FBXO8: variants seen among roughly 807,000 people sequenced by gnomAD.
FBXO8 encodes the protein F-box protein 8.
In FBXO8, 15 loss-of-function variants were observed where a neutral mutation model predicts 33.4. The ratio of observed to expected loss-of-function variants is 0.45; its 90% CI spans 0.30 to 0.69. FBXO8 has a LOEUF of 0.69. Among genes scored for constraint, FBXO8 ranks in the 30% least tolerant of loss-of-function variants. The pLI is 0.08. For synonymous variants in FBXO8, 132 were observed against 131.5 expected, an observed-to-expected ratio of 1.00 and a Z score of -0.02; for missense variants, 274 against 380.3, an observed-to-expected ratio of 0.72 and a Z score of 2.32.
rs1736989759 is a variant in FBXO8, at chr4:174,277,690, T to C, written c.-9+5720A>G. ...ATGAATAGCCTCATTTAAATACACA[T>C]TATAAATGGTCATTTTTCTTCAGTA... On this transcript the variant is annotated intron_variant, in intron 1 of 5. Transcript: ENST00000393674. The surrounding 1 kb of genome is among the most constrained non-coding windows in gnomAD (Gnocchi z 4.9). Among the ~76,000 whole-genome samples, 1 of 152,154 alleles carries C rather than the reference T, an allele frequency of 6.6e-6. No homozygotes were observed. The highest frequency in any genetic ancestry group is 2.4e-5 in the African/African-American group (1 of 41,460).
In FBXO8 at chr4:174,261,029, C is replaced by G. The variant is rs1018813904; in HGVS notation, c.330-1204G>C. On this transcript the variant is annotated intron_variant, in intron 2 of 5. Transcript: ENST00000393674. This position sits in a 1 kb window ranked among gnomAD's most constrained non-coding sequence, Gnocchi z 4.1. Reference sequence around the variant, plus strand: ...TTGTGAGGACAAGGGGGTAAAATATCTAATTTAACATGAGACTACCCTCTT... The same window carrying G: ...TTGTGAGGACAAGGGGGTAAAATATGTAATTTAACATGAGACTACCCTCTT... 9.2e-5 allele frequency among the ~76,000 whole-genome samples: 14 copies of G among 151,926 alleles called. No individual in the cohort carries two copies. Among genetic ancestry groups the G allele is most frequent in the African/African-American group, 2.9e-4 (12 of 41,420 alleles).
rs1579024418 is a variant in FBXO8 at position 174,252,920 on chromosome 4, A to C, written c.456+6779T>G. Among the ~76,000 whole-genome samples the C allele has an allele frequency of 2.6e-5, 4 of 152,194 alleles. No homozygotes were observed. The Middle Eastern group carries it at 0.01, about 388-fold the overall frequency. ...CGGGAGGTGGTGATTGCAGTGAGCC[A>C]AGACTGCACCACTGCACTCCAGCCT... On this transcript the variant is annotated intron_variant, in intron 3 of 5. Coordinates refer to ENST00000393674, the MANE Select transcript of FBXO8 (RefSeq NM_012180.3). The surrounding 1 kb of genome is among the most constrained non-coding windows in gnomAD (Gnocchi z 5.1).
intron 2 of FBXO8, among the ~76,000 whole-genome samples, chr4:174,260,601 C>T (rs911274151): frequency 2.0e-5 from 3 of 151,740 alleles, no homozygotes; most frequent in African/African-American, 7.3e-5. Flanking sequence ...TCTATAAAAC[C>T]GAAAATACTA....
At chr4:174,268,674 G>A (rs1736758816) in intron 1 of FBXO8, among the ~76,000 whole-genome samples, 1 of 152,148 alleles carries the variant, frequency 6.6e-6, no homozygotes, top group South Asian at 2.1e-4. Flanking sequence ...CTGACCTCGT[G>A]ATCCGCCCGC....
Position 174,267,893 on chromosome 4 carries a change from A to C in FBXO8, c.-8-4793T>G, listed in dbSNP as rs142054049. ...AAAGTTTCAAATTCAAAAAAAATTCAACACAAAATAAGTTTTTGTATTTGA... is the reference window on the plus strand; with the variant it reads ...AAAGTTTCAAATTCAAAAAAAATTCCACACAAAATAAGTTTTTGTATTTGA... On this transcript the variant is annotated intron_variant, in intron 1 of 5. Coordinates refer to ENST00000393674, the MANE Select transcript of FBXO8 (RefSeq NM_012180.3). This position sits in a 1 kb window ranked among gnomAD's most constrained non-coding sequence, Gnocchi z 4.7. Among the ~76,000 whole-genome samples, 138 of 152,374 alleles carry C rather than the reference A, an allele frequency of 9.1e-4. No homozygotes were observed. Among genetic ancestry groups the C allele is most frequent in the African/African-American group, 3.2e-3 (135 of 41,592 alleles).
Position 174,251,852 on chromosome 4 carries a change from G to C in FBXO8, c.456+7847C>G, listed in dbSNP as rs143371860. 4.4e-3 allele frequency among the ~76,000 whole-genome samples: 664 copies of C among 152,198 alleles called. 9 individuals carry two copies. The highest frequency in any genetic ancestry group is 0.015 in the African/African-American group (611 of 41,536). On this transcript the variant is annotated intron_variant, in intron 3 of 5. Transcript: ENST00000393674. The surrounding 1 kb of genome is among the most constrained non-coding windows in gnomAD (Gnocchi z 4.2). ...CTATGGGTAAACAGTTCTTACAGAG[G>C]GGGGAGCTACTTAAGCCATATTTGG... is the stretch of plus-strand genomic sequence containing the variant.
intron 1 of FBXO8, among the ~76,000 whole-genome samples, chr4:174,268,477 A>G (rs1378069539): frequency 6.6e-6 from 1 of 152,020 alleles, no homozygotes; most frequent in Non-Finnish European, 1.5e-5. Flanking sequence ...GTGTCGCCCA[A>G]GCTGGAGTGC....
chr4:174,273,703 A>G lies in FBXO8; in HGVS notation c.-9+9707T>C, dbSNP rs1468859292. Among the ~76,000 whole-genome samples the G allele has an allele frequency of 4.6e-5, 7 of 152,220 alleles. No individual in the cohort carries two copies. In the East Asian group the frequency reaches 1.3e-3, roughly 29 times the overall value. On this transcript the variant is annotated intron_variant, in intron 1 of 5. Coordinates refer to ENST00000393674, the MANE Select transcript of FBXO8 (RefSeq NM_012180.3). ...TAAGGTGATGTGGCAAAATATTAAA[A>G]ATTTGTAAACCTGGCTAAAAAGTAT...
Position 174,236,933 on chromosome 4 carries a change from G to C in FBXO8, c.*479C>G, listed in dbSNP as rs1735899747. 1 of 152,132 alleles carries C rather than the reference G, an allele frequency of 6.6e-6. No homozygotes were observed. Among genetic ancestry groups the C allele is most frequent in the African/African-American group, 2.4e-5 (1 of 41,420 alleles). 9.4% of individuals were successfully genotyped at this position (152,132 alleles called of 1,614,324 possible). On this transcript the variant is annotated 3_prime_UTR_variant, in exon 6 of 6. Transcript: ENST00000393674. Reference sequence around the variant, plus strand: ...AGATCTAACTTTTACGAAGACAATAGTTTCAGATCAGAATCAAATAAATTT... The same window carrying C: ...AGATCTAACTTTTACGAAGACAATACTTTCAGATCAGAATCAAATAAATTT...
In FBXO8 at chr4:174,254,163, G is replaced by A. The variant is rs572236374; in HGVS notation, c.456+5536C>T. On this transcript the variant is annotated intron_variant, in intron 3 of 5. Transcript: ENST00000393674. This position sits in a 1 kb window ranked among gnomAD's most constrained non-coding sequence, Gnocchi z 4.2. ...GCTGAGTCGAGCAGCATAATGAAGG[G>A]TGCTGAGAACTCAATTCTTCCTAGC... is the stretch of plus-strand genomic sequence containing the variant. Among the ~76,000 whole-genome samples the A allele has an allele frequency of 6.6e-6, 1 of 152,260 alleles. No homozygotes were observed. Among genetic ancestry groups the A allele is most frequent in the African/African-American group, 2.4e-5 (1 of 41,560 alleles).
intron 1 of FBXO8, among the ~76,000 whole-genome samples, chr4:174,264,329 T>G (rs964288128): frequency 4.6e-5 from 7 of 152,152 alleles, no homozygotes; most frequent in Non-Finnish European, 7.4e-5. Flanking sequence ...TGAGTGGAAC[T>G]TCAAAGAATG....
Position 174,281,124 on chromosome 4 carries a change from A to C in FBXO8, c.-9+2286T>G, listed in dbSNP as rs1404950310. On this transcript the variant is annotated intron_variant, in intron 1 of 5. Transcript: ENST00000393674. The surrounding 1 kb of genome is among the most constrained non-coding windows in gnomAD (Gnocchi z 4.6). The stretch of plus-strand genomic sequence containing the variant: ...GGGAAAAAACTCTGAAAAACAAATT[A>C]ATAAATAAAAGAAGAGATGATGGCG... Among the ~76,000 whole-genome samples, 1 of 152,178 alleles carries C rather than the reference A, an allele frequency of 6.6e-6. No individual in the cohort carries two copies. Among genetic ancestry groups the C allele is most frequent in the Admixed American group, 6.5e-5 (1 of 15,274 alleles).
Position 174,274,510 on chromosome 4 carries a change from G to T in FBXO8, c.-9+8900C>A, listed in dbSNP as rs1327845285. 6.6e-6 allele frequency among the ~76,000 whole-genome samples: 1 copy of T among 152,096 alleles called. No individual in the cohort carries two copies. Among genetic ancestry groups the T allele is most frequent in the Admixed American group, 6.5e-5 (1 of 15,276 alleles). ...TCCTGGTCCTGAATTTCATTAATTTGGGATCTGTGAAATTTGGAGAGATGC... is the reference window on the plus strand; with the variant it reads ...TCCTGGTCCTGAATTTCATTAATTTTGGATCTGTGAAATTTGGAGAGATGC... On this transcript the variant is annotated intron_variant, in intron 1 of 5. Coordinates refer to ENST00000393674, the MANE Select transcript of FBXO8 (RefSeq NM_012180.3). This position sits in a 1 kb window ranked among gnomAD's most constrained non-coding sequence, Gnocchi z 4.0.
chr4:174,266,521 C>G (rs1434095960), intron 1 of FBXO8, among the ~76,000 whole-genome samples: 3 of 152,142 alleles, frequency 2.0e-5, no homozygotes, highest in Non-Finnish European at 4.4e-5. Flanking sequence ...CCCCCATTCC[C>G]TATCTTCCTT....
rs539856524 is a variant in FBXO8, at chr4:174,244,483, C to T, written c.457-3265G>A. Among the ~76,000 whole-genome samples the T allele has an allele frequency of 7.3e-5, 11 of 151,692 alleles. No individual in the cohort carries two copies. The South Asian group carries it at 2.3e-3, about 31-fold the overall frequency. On this transcript the variant is annotated intron_variant, in intron 3 of 5. Coordinates refer to ENST00000393674, the MANE Select transcript of FBXO8 (RefSeq NM_012180.3). ...CAAACTCAGAACTACTTAAATTTGACCGTTTAATCTATACACATTTTAACT... is the reference window on the plus strand; with the variant it reads ...CAAACTCAGAACTACTTAAATTTGATCGTTTAATCTATACACATTTTAACT...
At chr4:174,243,720 A>G (rs2126416489) in intron 3 of FBXO8, among the ~76,000 whole-genome samples, 1 of 151,436 alleles carries the variant, frequency 6.6e-6, no homozygotes, top group African/African-American at 2.4e-5. Flanking sequence ...ATAGCATATC[A>G]GTGACTAGTC....
At position 174,278,814 on chromosome 4, in the gene FBXO8, A is replaced by C. The variant is rs925998370; in HGVS notation, c.-9+4596T>G. 2.6e-5 allele frequency among the ~76,000 whole-genome samples: 4 copies of C among 152,150 alleles called. No homozygotes were observed. Among genetic ancestry groups the C allele is most frequent in the African/African-American group, 9.6e-5 (4 of 41,466 alleles). Reference sequence around the variant, plus strand: ...CAAATAAAACAAGGTATTAAATTAAATGAATATTGAAGGCAGCCAGAAATA... The same window carrying C: ...CAAATAAAACAAGGTATTAAATTAACTGAATATTGAAGGCAGCCAGAAATA... On this transcript the variant is annotated intron_variant, in intron 1 of 5. Transcript: ENST00000393674. The surrounding 1 kb of genome is among the most constrained non-coding windows in gnomAD (Gnocchi z 4.1).
At chr4:174,248,347 C>T (rs148684899) in intron 3 of FBXO8, among the ~76,000 whole-genome samples, 157 of 152,012 alleles carry the variant, frequency 1.0e-3, no homozygotes, top group African/African-American at 3.6e-3. Flanking sequence ...TAAAAGTTGT[C>T]CTAGATAAAA....
Position 174,253,198 on chromosome 4 carries a change from T to C in FBXO8, c.456+6501A>G, listed in dbSNP as rs535005697. Among the ~76,000 whole-genome samples the C allele has an allele frequency of 2.6e-4, 39 of 152,164 alleles. 1 individual carries two copies. Among genetic ancestry groups the C allele is most frequent in the Admixed American group, 8.5e-4 (13 of 15,272 alleles). ...AATGGTGAGTTATAAGCCTTGGCCA[T>C]GTAGGCCCAGTGTGATTTTTAAAAA... On this transcript the variant is annotated intron_variant, in intron 3 of 5. Coordinates refer to ENST00000393674, the MANE Select transcript of FBXO8 (RefSeq NM_012180.3). This position sits in a 1 kb window ranked among gnomAD's most constrained non-coding sequence, Gnocchi z 4.5.
Sources: allele counts gnomAD v4.1 joint callset (sites outside exome capture counted in the v4.1 genomes callset), GRCh38; gene constraint gnomAD v4.1.1; non-coding constraint Gnocchi (gnomAD v3.1); transcripts MANE v1.5; gene names NCBI Gene and HGNC (gene_info 2026-07-23, HGNC 2026-07-21).